ZC2HC1B: variants seen among roughly 807,000 people sequenced by gnomAD.
The protein encoded by ZC2HC1B is zinc finger C2HC-type containing 1B.
A neutral mutation model predicts 31.0 loss-of-function variants in ZC2HC1B; 36 were observed. The ratio of observed to expected loss-of-function variants is 1.16; its 90% CI spans 0.89 to 1.54. The LOEUF is 1.54. Ranked by LOEUF, ZC2HC1B falls within the 40% of genes most tolerant of loss-of-function variation. ZC2HC1B has a pLI of 0.00. For missense variants in ZC2HC1B, 260 were observed against 268.6 expected (o/e 0.97, Z 0.22); for synonymous variants, 73 against 88.0 (o/e 0.83, Z 0.95).
intron 6 of ZC2HC1B, among the ~76,000 whole-genome samples, chr6:143,931,237 A>T (rs922802335): frequency 4.6e-5 from 7 of 152,142 alleles, no homozygotes; most frequent in African/African-American, 1.7e-4. Flanking sequence ...CAGATACTTC[A>T]TCGGTGGATT....
Position 143,870,255 on chromosome 6 carries a change from A to G in ZC2HC1B, c.28+5688A>G, listed in dbSNP as rs1050260152. ...AAATTTTCCCTCACCACTTTCAGGG[A>G]TGTCCTAGGAAGGGGCTGTCCTTCA... On this transcript the variant is annotated intron_variant, in intron 1 of 7. Transcript: ENST00000237275. This position sits in a 1 kb window ranked among gnomAD's most constrained non-coding sequence, Gnocchi z 4.7. 2.0e-5 allele frequency among the ~76,000 whole-genome samples: 3 copies of G among 152,132 alleles called. No individual in the cohort carries two copies. Among genetic ancestry groups the G allele is most frequent in the Non-Finnish European group, 2.9e-5 (2 of 68,008 alleles).
Position 143,885,262 on chromosome 6 carries a change from G to A in ZC2HC1B, c.91-770G>A, listed in dbSNP as rs955443501. Among the ~76,000 whole-genome samples the A allele has an allele frequency of 2.0e-5, 3 of 152,204 alleles. No individual in the cohort carries two copies. The highest frequency in any genetic ancestry group is 4.4e-5 in the Non-Finnish European group (3 of 68,036). On this transcript the variant is annotated intron_variant, in intron 2 of 7. Transcript: ENST00000237275. The surrounding 1 kb of genome is among the most constrained non-coding windows in gnomAD (Gnocchi z 4.2). ...CTGTGGTTAGAGCCTCCTGAAACTA[G>A]AGGGAGAGCTTGCGGGGCTGGTTGT...
rs1370809397 is a variant in ZC2HC1B at position 143,870,537 on chromosome 6, A to T, written c.28+5970A>T. On this transcript the variant is annotated intron_variant, in intron 1 of 7. Coordinates refer to ENST00000237275, the MANE Select transcript of ZC2HC1B (RefSeq NM_001013623.3). This position sits in a 1 kb window ranked among gnomAD's most constrained non-coding sequence, Gnocchi z 4.7. ...AGTCCAATCATGTATATACACTTCC[A>T]TTTGATGATGGATGCTGCTGTGCAT... Among the ~76,000 whole-genome samples, 7 of 152,004 alleles carry T rather than the reference A, an allele frequency of 4.6e-5. No individual in the cohort carries two copies. The highest frequency in any genetic ancestry group is 8.8e-5 in the Non-Finnish European group (6 of 68,002).
Position 143,883,986 on chromosome 6 carries a change from AT to A in ZC2HC1B, c.29-311del. Among the ~76,000 whole-genome samples, 1 of 152,140 alleles carries A rather than the reference AT, an allele frequency of 6.6e-6. No individual in the cohort carries two copies. Among genetic ancestry groups the A allele is most frequent in the Non-Finnish European group, 1.5e-5 (1 of 68,032 alleles). On this transcript the variant is annotated intron_variant, in intron 1 of 7. Transcript: ENST00000237275. This position sits in a 1 kb window ranked among gnomAD's most constrained non-coding sequence, Gnocchi z 4.1. ...TAAAAATACCACCTTATACTAAGGT[AT>A]TTTTTTGCTTATGTCTCAAGCAAAG... is the stretch of plus-strand genomic sequence containing the variant.
At position 143,918,772 on chromosome 6, in the gene ZC2HC1B, A is replaced by G. The variant is rs895407022; in HGVS notation, c.598+15620A>G. Among the ~76,000 whole-genome samples the G allele has an allele frequency of 1.3e-5, 2 of 152,118 alleles. No homozygotes were observed. The highest frequency in any genetic ancestry group is 4.8e-5 in the African/African-American group (2 of 41,434). On this transcript the variant is annotated intron_variant, in intron 6 of 7. Transcript: ENST00000237275. This position sits in a 1 kb window ranked among gnomAD's most constrained non-coding sequence, Gnocchi z 4.1. The stretch of plus-strand genomic sequence containing the variant: ...TTTCTCTTTCTGTTCCTCAGACTTG[A>G]TAATTTCCATTGTCCTGTCTTTAAG...
At position 143,869,547 on chromosome 6, in the gene ZC2HC1B, A is replaced by C. The variant is rs964538398; in HGVS notation, c.28+4980A>C. ...ACCATGACAGTGGATAAGGCATGCT[A>C]TGAGTCCATGGATGGTAGTCTTGGC... On this transcript the variant is annotated intron_variant, in intron 1 of 7. Transcript: ENST00000237275. This position sits in a 1 kb window ranked among gnomAD's most constrained non-coding sequence, Gnocchi z 5.2. 6.6e-6 allele frequency among the ~76,000 whole-genome samples: 1 copy of C among 152,226 alleles called. No individual in the cohort carries two copies. Among genetic ancestry groups the C allele is most frequent in the Non-Finnish European group, 1.5e-5 (1 of 68,032 alleles).
Position 143,918,371 on chromosome 6 carries a change from C to A in ZC2HC1B, c.598+15219C>A, listed in dbSNP as rs372824451. Among the ~76,000 whole-genome samples, 289 of 152,302 alleles carry A rather than the reference C, an allele frequency of 1.9e-3. 1 individual carries two copies. The highest frequency in any genetic ancestry group is 6.8e-3 in the African/African-American group (281 of 41,564). On this transcript the variant is annotated intron_variant, in intron 6 of 7. Transcript: ENST00000237275. The surrounding 1 kb of genome is among the most constrained non-coding windows in gnomAD (Gnocchi z 4.1). ...GGTTGACAGTTTTTTTCTTTTACCA[C>A]TTTGAATATGTTGGCCCACTGTGTT...
chr6:143,897,585 G>C (rs568828938), intron 4 of ZC2HC1B, among the ~76,000 whole-genome samples: 1 of 151,156 alleles, frequency 6.6e-6, no homozygotes. Context: ...AGCTGTTTTC[G>C]GTGAACTTTC....
chr6:143,902,080 C>G (rs1420405240), intron 5 of ZC2HC1B, among the ~76,000 whole-genome samples: 1 of 152,160 alleles, frequency 6.6e-6, no homozygotes, highest in Non-Finnish European at 1.5e-5. Flanking sequence ...TTTTCCAGAG[C>G]TGAGTGGTGA....
rs534408828 is a variant in ZC2HC1B at position 143,895,404 on chromosome 6, G to A, written c.350-3148G>A. 5.3e-4 allele frequency among the ~76,000 whole-genome samples: 80 copies of A among 152,130 alleles called. No homozygotes were observed. Among genetic ancestry groups the A allele is most frequent in the Admixed American group, 3.8e-3 (58 of 15,272 alleles). ...TCTTGAACTCCTGACCTCAGGTAAT[G>A]CACATGCCTCGGCCTCCCAAAGTGC... On this transcript the variant is annotated intron_variant, in intron 4 of 7. Coordinates refer to ENST00000237275, the MANE Select transcript of ZC2HC1B (RefSeq NM_001013623.3). This position sits in a 1 kb window ranked among gnomAD's most constrained non-coding sequence, Gnocchi z 4.8.
chr6:143,894,804 T>C (rs957435040), intron 4 of ZC2HC1B, among the ~76,000 whole-genome samples: 17 of 152,226 alleles, frequency 1.1e-4, no homozygotes, highest in Non-Finnish European at 2.5e-4. Flanking sequence ...GGTTCTTTAA[T>C]TGAATAAGTG....
At position 143,892,549 on chromosome 6, in the gene ZC2HC1B, C is replaced by T. The variant is rs547260602; in HGVS notation, c.349+5728C>T. Among the ~76,000 whole-genome samples, 10 of 152,262 alleles carry T rather than the reference C, an allele frequency of 6.6e-5. No homozygotes were observed. In the East Asian group the frequency reaches 1.4e-3, roughly 21 times the overall value. ...CTGAACTCAAGCAATCCGCCTGCCT[C>T]GGCCTCTCAAAGTGTTGGGATTACA... On this transcript the variant is annotated intron_variant, in intron 4 of 7. Transcript: ENST00000237275.
At chr6:143,867,916 G>A (rs188372546) in intron 1 of ZC2HC1B, among the ~76,000 whole-genome samples, 50 of 152,226 alleles carry the variant, frequency 3.3e-4, no homozygotes, top group Middle Eastern at 3.4e-3. Flanking sequence ...TGTGGATCAC[G>A]TCCTCCAGTA....
chr6:143,921,018 G>T lies in ZC2HC1B; in HGVS notation c.599-16631G>T, dbSNP rs990274276. Among the ~76,000 whole-genome samples the T allele has an allele frequency of 6.6e-6, 1 of 151,608 alleles. No individual in the cohort carries two copies. The highest frequency in any genetic ancestry group is 6.6e-5 in the Admixed American group (1 of 15,214). On this transcript the variant is annotated intron_variant, in intron 6 of 7. Coordinates refer to ENST00000237275, the MANE Select transcript of ZC2HC1B (RefSeq NM_001013623.3). The surrounding 1 kb of genome is among the most constrained non-coding windows in gnomAD (Gnocchi z 6.1). Reference sequence around the variant, plus strand: ...CGAATCCCAAATGTAATACAATGCTGTTTCTTCTTAATCCTGCTCCAGCTA... The same window carrying T: ...CGAATCCCAAATGTAATACAATGCTTTTTCTTCTTAATCCTGCTCCAGCTA...
chr6:143,932,985 G>A (rs1171813461), intron 6 of ZC2HC1B, among the ~76,000 whole-genome samples: 5 of 152,182 alleles, frequency 3.3e-5, no homozygotes, highest in Non-Finnish European at 7.3e-5. Context: ...CGAGTCCTGT[G>A]ATGCAATTTG....
At position 143,913,760 on chromosome 6, in the gene ZC2HC1B, C is replaced by G. The variant is rs1053558884; in HGVS notation, c.598+10608C>G. Among the ~76,000 whole-genome samples the G allele has an allele frequency of 1.1e-4, 17 of 152,300 alleles. No individual in the cohort carries two copies. Among genetic ancestry groups the G allele is most frequent in the South Asian group, 4.2e-4 (2 of 4,818 alleles). Reference sequence around the variant, plus strand: ...AGCATGGTTTCCTGGGTCACATAGTCACTAATTGCTTCCCTTGGCTGGGGG... The same window carrying G: ...AGCATGGTTTCCTGGGTCACATAGTGACTAATTGCTTCCCTTGGCTGGGGG... On this transcript the variant is annotated intron_variant, in intron 6 of 7. Coordinates refer to ENST00000237275, the MANE Select transcript of ZC2HC1B (RefSeq NM_001013623.3). This position sits in a 1 kb window ranked among gnomAD's most constrained non-coding sequence, Gnocchi z 5.7.
intron 6 of ZC2HC1B, among the ~76,000 whole-genome samples, chr6:143,929,509 A>G (rs532016998): frequency 2.0e-4 from 31 of 152,268 alleles, no homozygotes; most frequent in African/African-American, 7.2e-4. Flanking sequence ...TTTTGCACCT[A>G]TGTTCATGAA....
chr6:143,895,406 A>C lies in ZC2HC1B; in HGVS notation c.350-3146A>C, dbSNP rs1777654354. Among the ~76,000 whole-genome samples, 1 of 152,044 alleles carries C rather than the reference A, an allele frequency of 6.6e-6. No individual in the cohort carries two copies. The highest frequency in any genetic ancestry group is 1.5e-5 in the Non-Finnish European group (1 of 68,014). On this transcript the variant is annotated intron_variant, in intron 4 of 7. Coordinates refer to ENST00000237275, the MANE Select transcript of ZC2HC1B (RefSeq NM_001013623.3). The surrounding 1 kb of genome is among the most constrained non-coding windows in gnomAD (Gnocchi z 4.8). ...TTGAACTCCTGACCTCAGGTAATGC[A>C]CATGCCTCGGCCTCCCAAAGTGCTG...
At chr6:143,893,759 T>A (rs1278721796) in intron 4 of ZC2HC1B, among the ~76,000 whole-genome samples, 2 of 151,968 alleles carry the variant, frequency 1.3e-5, no homozygotes, top group African/African-American at 2.4e-5. Context: ...CCATCTCGGC[T>A]CACTGCAAGC....
Sources: allele counts gnomAD v4.1 joint callset (sites outside exome capture counted in the v4.1 genomes callset), GRCh38; gene constraint gnomAD v4.1.1; non-coding constraint Gnocchi (gnomAD v3.1); transcripts MANE v1.5; gene names NCBI Gene and HGNC (gene_info 2026-07-23, HGNC 2026-07-21).